Variants in LANCL3 observed in about 807,000 individuals in gnomAD.
LANCL3 encodes the protein LanC like family member 3.
Under a neutral mutation model 26.5 loss-of-function variants are expected in LANCL3, and 19 were observed. The ratio of observed to expected loss-of-function variants is 0.72; its 90% CI spans 0.50 to 1.05. The LOEUF (loss-of-function observed/expected upper bound fraction) is 1.05. Ranked by LOEUF, LANCL3 falls within the 50% of genes least tolerant of loss-of-function variation. The pLI is 0.00. For missense variants in LANCL3, 318 were observed against 362.7 expected (o/e 0.88, Z 1.00); for synonymous variants, 160 against 166.6 (o/e 0.96, Z 0.30).
At chrX:37,611,188 A>C (rs914544709) in intron 1 of LANCL3, among the ~76,000 whole-genome samples, 5 of 111,979 alleles carry the variant, frequency 4.5e-5, no homozygotes. Flanking sequence ...TTCCAGCCCA[A>C]ACACGCTCAT....
At chrX:37,589,904 C>T (rs1924222241) in intron 1 of LANCL3, among the ~76,000 whole-genome samples, 1 of 112,099 alleles carries the variant, frequency 8.9e-6, no homozygotes, top group South Asian at 3.7e-4. Context: ...TTAAGCTGAG[C>T]TGCTCAGGCA....
At chrX:37,596,763 A>G (rs1924440208) in intron 1 of LANCL3, among the ~76,000 whole-genome samples, 1 of 112,413 alleles carries the variant, frequency 8.9e-6, no homozygotes, top group African/African-American at 3.2e-5. Context: ...AGTGACTTCT[A>G]GAAAATTCAC....
chrX:37,633,281 G>T (rs1416638194), intron 1 of LANCL3, among the ~76,000 whole-genome samples: 1 of 110,487 alleles, frequency 9.1e-6, no homozygotes, highest in African/African-American at 3.3e-5. Context: ...TCTTCACTTA[G>T]TTCTCGAGCC....
At chrX:37,631,919 T>A (rs1925528687) in intron 1 of LANCL3, among the ~76,000 whole-genome samples, 1 of 110,300 alleles carries the variant, frequency 9.1e-6, no homozygotes, top group Non-Finnish European at 1.9e-5. Context: ...TGAAAAAAAA[T>A]GTCTATTCTG....
intron 1 of LANCL3, among the ~76,000 whole-genome samples, chrX:37,573,802 G>T (rs1923667520): frequency 9.2e-6 from 1 of 108,256 alleles, no homozygotes; most frequent in African/African-American, 3.4e-5. Context: ...CCCTTTCCAT[G>T]CCTTGAGGCC....
chrX:37,640,695 A>C (rs782040549), intron 1 of LANCL3, among the ~76,000 whole-genome samples: 1 of 111,808 alleles, frequency 8.9e-6, no homozygotes, highest in South Asian at 3.8e-4. Context: ...TCAGTTGCTC[A>C]TCTCAGCCAT....
intron 1 of LANCL3, among the ~76,000 whole-genome samples, chrX:37,607,130 C>T (rs1385327367): frequency 1.8e-5 from 2 of 112,293 alleles, no homozygotes; most frequent in African/African-American, 6.5e-5. Context: ...AGCAATTTCG[C>T]AGTTTCTTCT....
chrX:37,626,156 C>T (rs782586703), intron 1 of LANCL3, among the ~76,000 whole-genome samples: 3 of 112,398 alleles, frequency 2.7e-5, no homozygotes, highest in South Asian at 3.7e-4. Flanking sequence ...TCACTTCTCA[C>T]GCTTCCTAGG....
Position 37,571,693 on chromosome X carries a change from C to G in LANCL3, c.-178C>G, listed in dbSNP as rs1923574217. ...AGCCTCGCGGCAGCCCGGCGCCCCA[C>G]TTGGCCATCCGCTCCTTGCCCGCCT... On this transcript the variant is annotated 5_prime_UTR_variant, in exon 1 of 5. Transcript: ENST00000378619. 1.0e-5 allele frequency: 4 copies of G among 399,738 alleles called. No individual in the cohort carries two copies. In the East Asian group the frequency reaches 1.8e-4, roughly 18 times the overall value. The allele number at this position is 399,738 out of a possible 1,213,427, so 32.9% of individuals were successfully genotyped here.
chrX:37,653,001 G>A (rs955011797), intron 1 of LANCL3, among the ~76,000 whole-genome samples: 1 of 111,192 alleles, frequency 9.0e-6, no homozygotes, highest in Non-Finnish European at 1.9e-5. Context: ...GTAAACTGAG[G>A]GTAGGTCTTG....
rs936346777 is a variant in LANCL3 at position 37,599,217 on chromosome X, C to T, written c.573+26774C>T. On this transcript the variant is annotated intron_variant, in intron 1 of 4. Transcript: ENST00000378619. ...TAGAGTGAGTTTTCTCCGGTAATTTCTCTGGTGATGTATCAGTATGTTATT... is the reference window on the plus strand; with the variant it reads ...TAGAGTGAGTTTTCTCCGGTAATTTTTCTGGTGATGTATCAGTATGTTATT... 5.4e-5 allele frequency among the ~76,000 whole-genome samples: 6 copies of T among 111,784 alleles called. No individual in the cohort carries two copies. In the Admixed American group the frequency reaches 5.7e-4, roughly 11 times the overall value.
At chrX:37,605,808 G>A (rs903916235) in intron 1 of LANCL3, among the ~76,000 whole-genome samples, 34 of 111,509 alleles carry the variant, frequency 3.0e-4, no homozygotes, top group African/African-American at 9.5e-4. Flanking sequence ...ACACTGCCAC[G>A]CTCTCACCAA....
intron 1 of LANCL3, among the ~76,000 whole-genome samples, chrX:37,615,252 G>A (rs1227597444): frequency 3.6e-5 from 4 of 111,891 alleles, no homozygotes; most frequent in African/African-American, 1.3e-4. Context: ...TCTGGGATGG[G>A]GCCTAGGAGT....
At chrX:37,655,648 G>A (rs1556430512) in intron 1 of LANCL3, 40 bp from the exon 2 acceptor site, 2 of 1,142,647 alleles carry the variant, frequency 1.8e-6, no homozygotes, top group Non-Finnish European at 2.3e-6. Flanking sequence ...GGAAAAAGGA[G>A]ATCCTGCTTT....
Position 37,641,290 on chromosome X carries a change from A to T in LANCL3, c.574-14398A>T, listed in dbSNP as rs781807801. ...ATTTTATTTCATATATATATATATAAAATATATTTCCCAGAAAGGACCTGG... is the reference window on the plus strand; with the variant it reads ...ATTTTATTTCATATATATATATATATAATATATTTCCCAGAAAGGACCTGG... On this transcript the variant is annotated intron_variant, in intron 1 of 4. Coordinates refer to ENST00000378619, the MANE Select transcript of LANCL3 (RefSeq NM_001170331.2). Among the ~76,000 whole-genome samples the T allele has an allele frequency of 8.2e-4, 90 of 109,542 alleles. 2 individuals are homozygous for T. Among genetic ancestry groups the T allele is most frequent in the Middle Eastern group, 4.7e-3 (1 of 214 alleles).
intron 1 of LANCL3, among the ~76,000 whole-genome samples, chrX:37,586,467 C>G (rs782213134): frequency 4.0e-4 from 45 of 111,883 alleles, no homozygotes; most frequent in African/African-American, 1.4e-3. Context: ...TTCACATAGT[C>G]CCATATTTCT....
intron 1 of LANCL3, among the ~76,000 whole-genome samples, chrX:37,621,629 T>A (rs943181892): frequency 1.8e-5 from 2 of 112,699 alleles, no homozygotes; most frequent in African/African-American, 6.4e-5. Flanking sequence ...TGTTTTGCTT[T>A]GTTGAAGAAA....
chrX:37,665,784 G>T (rs953411191), intron 3 of LANCL3, among the ~76,000 whole-genome samples: 1 of 111,907 alleles, frequency 8.9e-6, no homozygotes, highest in Non-Finnish European at 1.9e-5. Context: ...AACTCAACAT[G>T]GAACCCTTTT....
chrX:37,648,443 C>G (rs1926041144), intron 1 of LANCL3, among the ~76,000 whole-genome samples: 1 of 112,011 alleles, frequency 8.9e-6, no homozygotes, highest in Non-Finnish European at 1.9e-5. Flanking sequence ...TTCCTTACAC[C>G]TTATACAAAA....
Sources: allele counts gnomAD v4.1 joint callset (sites outside exome capture counted in the v4.1 genomes callset), GRCh38; gene constraint gnomAD v4.1.1; transcripts MANE v1.5; gene names NCBI Gene and HGNC (gene_info 2026-07-23, HGNC 2026-07-21).